SYT16: variants seen among roughly 807,000 people sequenced by gnomAD.
SYT16 encodes synaptotagmin 16.
In SYT16, 42 loss-of-function variants were observed where a neutral mutation model predicts 61.4. The ratio of observed to expected loss-of-function variants is 0.68; its 90% confidence interval spans 0.53 to 0.89. The LOEUF (loss-of-function observed/expected upper bound fraction) is 0.89, where lower values mean the gene tolerates loss of function less well. SYT16 is among the 40% of genes least tolerant of loss of function. The probability of loss-of-function intolerance (pLI) is 0.00; values close to 1 mark genes in which losing one functional copy is unlikely to be tolerated. For missense variants in SYT16, 804 were observed against 807.3 expected (o/e 1.00, Z 0.05); for synonymous variants, 314 against 302.3 (o/e 1.04, Z -0.40).
At chr14:61,882,241 A>C (rs1299936415) in intron 1 of SYT16, among the ~76,000 whole-genome samples, 2 of 152,178 alleles carry the variant, frequency 1.3e-5, no homozygotes, top group Non-Finnish European at 2.9e-5. Context: ...AGAGTACAGG[A>C]TTGCACTATT....
intron 3 of SYT16, among the ~76,000 whole-genome samples, chr14:62,003,398 C>A (rs2053099780): frequency 6.6e-6 from 1 of 151,560 alleles, no homozygotes. Context: ...TCCACTGGGC[C>A]TTTACAAATA....
chr14:61,980,960 T>TTTG (rs1566735542), intron 2 of SYT16, among the ~76,000 whole-genome samples: 5 of 149,004 alleles, frequency 3.4e-5, no homozygotes, highest in South Asian at 4.2e-4. Context: ...GTGTGTGTGT[T>TTTG]TGTGTGTGTG....
At chr14:62,043,611 G>A (rs1329072021) in intron 3 of SYT16, among the ~76,000 whole-genome samples, 9 of 152,054 alleles carry the variant, frequency 5.9e-5, no homozygotes, top group African/African-American at 2.2e-4. Context: ...GTTTCACTAT[G>A]TTAGCCAGGA....
chr14:61,982,831 A>C (rs928026616), intron 2 of SYT16, among the ~76,000 whole-genome samples: 2 of 152,162 alleles, frequency 1.3e-5, no homozygotes, highest in African/African-American at 4.8e-5. Flanking sequence ...CATGCTAAAA[A>C]CTGGCATCAT....
At chr14:62,016,579 G>A (rs1425345363) in intron 3 of SYT16, among the ~76,000 whole-genome samples, 1 of 151,604 alleles carries the variant, frequency 6.6e-6, no homozygotes, top group Non-Finnish European at 1.5e-5. Flanking sequence ...CGGGCGTGGT[G>A]GCGGGTGCCT....
At chr14:61,867,922 A>C (rs564534098) in intron 1 of SYT16, among the ~76,000 whole-genome samples, 1 of 152,214 alleles carries the variant, frequency 6.6e-6, no homozygotes, top group East Asian at 1.9e-4. Flanking sequence ...AGAGAAGATC[A>C]TATGGTTTTC....
intron 3 of SYT16, among the ~76,000 whole-genome samples, chr14:62,053,192 GAA>G (rs1463592739): frequency 5.9e-5 from 9 of 152,342 alleles, no homozygotes; most frequent in African/African-American, 2.2e-4. Context: ...ATTGTTGGTA[GAA>G]ATGTGAACAG....
At chr14:62,064,367 TG>T (rs2055968316) in intron 3 of SYT16, among the ~76,000 whole-genome samples, 2 of 111,496 alleles carry the variant, frequency 1.8e-5, no homozygotes, top group South Asian at 5.4e-4. Context: ...AAGAAAACAC[TG>T]GGGAGAGATT....
intron 3 of SYT16, among the ~76,000 whole-genome samples, chr14:62,035,086 A>G (rs2054457178): frequency 1.3e-5 from 2 of 152,148 alleles, no homozygotes; most frequent in Non-Finnish European, 2.9e-5. Flanking sequence ...TTTCTGGTGC[A>G]TTGGAAGGGT....
intron 3 of SYT16, among the ~76,000 whole-genome samples, chr14:62,068,515 G>A (rs9323380): frequency 0.09 from 13,724 of 152,210 alleles, 1,751 homozygotes; most frequent in African/African-American, 0.29. Flanking sequence ...GGATTATAGT[G>A]AATAAAACTG....
chr14:62,026,353 C>A (rs1347483329), intron 3 of SYT16, among the ~76,000 whole-genome samples: 1 of 152,164 alleles, frequency 6.6e-6, no homozygotes, highest in African/African-American at 2.4e-5. Flanking sequence ...TCTCACAGTT[C>A]TGGAGGTTGG....
intron 1 of SYT16, among the ~76,000 whole-genome samples, chr14:61,939,345 C>T (rs2050118695): frequency 6.6e-6 from 1 of 152,182 alleles, no homozygotes; most frequent in Non-Finnish European, 1.5e-5. Flanking sequence ...AATAATCCTC[C>T]TGTGCACACC....
At chr14:61,890,591 T>C (rs897761626) in intron 1 of SYT16, among the ~76,000 whole-genome samples, 17 of 151,964 alleles carry the variant, frequency 1.1e-4, no homozygotes, top group Non-Finnish European at 1.8e-4. Context: ...CTTCTTTTGC[T>C]GCAGTATCTT....
chr14:62,016,617 G>A (rs931045885), intron 3 of SYT16, among the ~76,000 whole-genome samples: 1 of 151,808 alleles, frequency 6.6e-6, no homozygotes, highest in Admixed American at 6.6e-5. Flanking sequence ...GGAGGCTGAG[G>A]CAGGAGAATG....
In SYT16 at chr14:61,923,487, C is replaced by T. The variant is rs114632640; in HGVS notation, c.-324-46645C>T. Among the ~76,000 whole-genome samples, 753 of 152,286 alleles carry T rather than the reference C, an allele frequency of 4.9e-3. 4 individuals carry two copies. Among genetic ancestry groups the T allele is most frequent in the African/African-American group, 0.017 (726 of 41,556 alleles). On this transcript the variant is annotated intron_variant, in intron 1 of 7. Coordinates refer to ENST00000683842, the MANE Select transcript of SYT16 (RefSeq NM_001367656.1). ...AGCAACCATTCCAGGAACCCCAAAC[C>T]TCTCTTCCCCAAATCTCTTATTTCC... is the stretch of plus-strand genomic sequence containing the variant.
intron 3 of SYT16, among the ~76,000 whole-genome samples, chr14:62,046,609 C>A (rs1382479471): frequency 1.3e-5 from 2 of 152,170 alleles, no homozygotes; most frequent in Non-Finnish European, 2.9e-5. Flanking sequence ...AGTCTTTAAT[C>A]AATCTTGAAT....
chr14:61,831,719 A>G (rs1594713473), intron 1 of SYT16: 1 of 164,794 alleles, frequency 6.1e-6, no homozygotes, highest in Admixed American at 6.1e-5. Flanking sequence ...CTTTCACTTC[A>G]GTAGTTCTTT....
In SYT16 at chr14:62,050,415, G is replaced by A. The variant is rs141565785; in HGVS notation, c.524-19188G>A. On this transcript the variant is annotated intron_variant, in intron 3 of 7. Coordinates refer to ENST00000683842, the MANE Select transcript of SYT16 (RefSeq NM_001367656.1). The stretch of plus-strand genomic sequence containing the variant: ...TTTTTAACTTCTTTGCCATTGGTTC[G>A]AACTTCCTCCTTTAGCTCGGAGTAG... Among the ~76,000 whole-genome samples, 285 of 152,102 alleles carry A rather than the reference G, an allele frequency of 1.9e-3. 2 individuals carry two copies. Among genetic ancestry groups the A allele is most frequent in the Middle Eastern group, 0.01 (3 of 294 alleles).
At chr14:62,026,067 A>G (rs534783733) in intron 3 of SYT16, among the ~76,000 whole-genome samples, 93 of 152,226 alleles carry the variant, frequency 6.1e-4, no homozygotes, top group Non-Finnish European at 9.0e-4. Context: ...TTTCTTTTAT[A>G]TGCCTTATAG....
Sources: gnomAD v4.1 joint callset for allele counts (sites outside exome capture counted in the v4.1 genomes callset) on GRCh38, gnomAD v4.1.1 for gene constraint, MANE v1.5 for transcripts, NCBI Gene and HGNC (gene_info 2026-07-23, HGNC 2026-07-21) for gene names.